DOK6: variants seen among roughly 807,000 people sequenced by gnomAD.
DOK6 encodes downstream of tyrosine kinase 6.
DOK6 carries 22 observed loss-of-function variants against 44.0 expected under a neutral mutation model. The observed-to-expected ratio is 0.50, with a 90% CI of 0.36 to 0.71. The LOEUF (loss-of-function observed/expected upper bound fraction) is 0.71, where lower values mean the gene tolerates loss of function less well. Ranked by LOEUF, DOK6 falls within the 30% of genes least tolerant of loss-of-function variation. DOK6 has a pLI of 0.00. For synonymous variants in DOK6, 166 were observed against 145.5 expected, an observed-to-expected ratio of 1.14 and a Z score of -1.01; for missense variants, 340 against 416.4, an observed-to-expected ratio of 0.82 and a Z score of 1.60.
chr18:69,816,456 C>G (rs761514350), intron 7 of DOK6, among the ~76,000 whole-genome samples: 3 of 152,188 alleles, frequency 2.0e-5, no homozygotes, highest in Non-Finnish European at 2.9e-5. Context: ...ATTCACCATA[C>G]AACCTTAAAA....
At chr18:69,564,830 C>T (rs556957481) in intron 2 of DOK6, among the ~76,000 whole-genome samples, 3 of 152,126 alleles carry the variant, frequency 2.0e-5, no homozygotes, top group South Asian at 4.1e-4. Context: ...AATGAGATGA[C>T]TCATAACTCA....
intron 1 of DOK6, among the ~76,000 whole-genome samples, chr18:69,562,021 A>G (rs1005613102): frequency 6.6e-6 from 1 of 152,222 alleles, no homozygotes; most frequent in Non-Finnish European, 1.5e-5. Flanking sequence ...CCTCATGGGC[A>G]TAAAGAAATT....
intron 1 of DOK6, chr18:69,470,269 C>T (rs1347182882): frequency 6.6e-6 from 1 of 152,186 alleles, no homozygotes; most frequent in Non-Finnish European, 1.5e-5. Context: ...CTTCATTCAC[C>T]CTTGCTGACC....
chr18:69,720,087 G>A (rs546159128), intron 5 of DOK6, among the ~76,000 whole-genome samples: 1 of 152,292 alleles, frequency 6.6e-6, no homozygotes, highest in South Asian at 2.1e-4. Context: ...CACTCAGGAG[G>A]CTGAGGCATG....
At chr18:69,712,009 C>T (rs939209199) in intron 5 of DOK6, among the ~76,000 whole-genome samples, 4 of 151,822 alleles carry the variant, frequency 2.6e-5, no homozygotes, top group South Asian at 2.1e-4. Context: ...CGGCCGGGCG[C>T]GGTGGCTCAC....
intron 1 of DOK6, among the ~76,000 whole-genome samples, chr18:69,470,985 T>G (rs539135706): frequency 6.6e-6 from 1 of 151,644 alleles, no homozygotes; most frequent in South Asian, 2.1e-4. Flanking sequence ...CACGGTGGCT[T>G]GTGCCTGTAA....
chr18:69,687,168 TAA>T (rs1211070315), intron 4 of DOK6, among the ~76,000 whole-genome samples: 1 of 152,144 alleles, frequency 6.6e-6, no homozygotes, highest in East Asian at 1.9e-4. Context: ...AAATTACTTT[TAA>T]AATATTAAGA....
chr18:69,773,831 C>A (rs1029557936), intron 7 of DOK6, among the ~76,000 whole-genome samples: 2 of 151,432 alleles, frequency 1.3e-5, no homozygotes, highest in Non-Finnish European at 2.9e-5. Context: ...TAAACTAATA[C>A]AACCACTATG....
chr18:69,570,378 A>G (rs1983085564), intron 2 of DOK6, among the ~76,000 whole-genome samples: 1 of 151,848 alleles, frequency 6.6e-6, no homozygotes, highest in African/African-American at 2.4e-5. Flanking sequence ...AAGATAGAAC[A>G]ACAGCAACAA....
At chr18:69,562,666 C>A (rs1207159027) in intron 1 of DOK6, among the ~76,000 whole-genome samples, 1 of 152,142 alleles carries the variant, frequency 6.6e-6, no homozygotes, top group Admixed American at 6.5e-5. Flanking sequence ...GGATGAAAGA[C>A]TTAAATGTCA....
At chr18:69,498,396 C>T (rs1465231062) in intron 1 of DOK6, among the ~76,000 whole-genome samples, 1 of 152,090 alleles carries the variant, frequency 6.6e-6, no homozygotes, top group Non-Finnish European at 1.5e-5. Context: ...AGAAGATTTT[C>T]TTTGAAGAAC....
intron 3 of DOK6, among the ~76,000 whole-genome samples, chr18:69,646,225 T>C (rs1985069084): frequency 6.6e-6 from 1 of 152,180 alleles, no homozygotes; most frequent in African/African-American, 2.4e-5. Flanking sequence ...TGTTTTTTCT[T>C]CTTCAGGGAT....
chr18:69,717,605 G>A (rs528366605), intron 5 of DOK6, among the ~76,000 whole-genome samples: 2 of 152,282 alleles, frequency 1.3e-5, no homozygotes, highest in African/African-American at 4.8e-5. Flanking sequence ...GTCACAGGCA[G>A]AGAGAGAGGG....
At chr18:69,723,392 C>T (rs970750092) in intron 5 of DOK6, among the ~76,000 whole-genome samples, 9 of 152,204 alleles carry the variant, frequency 5.9e-5, no homozygotes, top group African/African-American at 2.2e-4. Context: ...AGGCAGATTT[C>T]CTCCATGGAA....
At chr18:69,661,413 T>C (rs1321383776) in intron 3 of DOK6, 3 of 152,158 alleles carry the variant, frequency 2.0e-5, no homozygotes, top group African/African-American at 7.2e-5. Flanking sequence ...CACATATGAA[T>C]TGTAGGAGGA....
intron 3 of DOK6, among the ~76,000 whole-genome samples, chr18:69,621,850 T>C (rs1252829243): frequency 1.3e-5 from 2 of 152,190 alleles, no homozygotes; most frequent in African/African-American, 4.8e-5. Flanking sequence ...CACACATTTA[T>C]TGTTGCTGAT....
intron 1 of DOK6, among the ~76,000 whole-genome samples, chr18:69,457,426 T>C (rs759291133): frequency 5.9e-5 from 9 of 152,044 alleles, no homozygotes; most frequent in Non-Finnish European, 1.3e-4. Context: ...TGTTGCTTGT[T>C]TTTGTTGGCT....
intron 3 of DOK6, among the ~76,000 whole-genome samples, chr18:69,651,141 G>A (rs186811194): frequency 6.6e-6 from 1 of 152,182 alleles, no homozygotes; most frequent in African/African-American, 2.4e-5. Flanking sequence ...CCAGTACGAA[G>A]CATACAGACA....
intron 1 of DOK6, among the ~76,000 whole-genome samples, chr18:69,502,436 A>G (rs1205032571): frequency 6.6e-6 from 1 of 152,086 alleles, no homozygotes; most frequent in Admixed American, 6.6e-5. Flanking sequence ...TCAAAAAACA[A>G]AGACAAAATG....
Sources: gnomAD v4.1 joint callset for allele counts (sites outside exome capture counted in the v4.1 genomes callset) on GRCh38, gnomAD v4.1.1 for gene constraint, MANE v1.5 for transcripts, NCBI Gene and HGNC (gene_info 2026-07-23, HGNC 2026-07-21) for gene names.